Variants in PTPRU observed in about 807,000 individuals in gnomAD.
The protein encoded by PTPRU is protein tyrosine phosphatase receptor type U.
PTPRU carries 69 observed loss-of-function variants against 166.3 expected under a neutral mutation model. The ratio of observed to expected loss-of-function variants is 0.41; its 90% confidence interval spans 0.34 to 0.51. The LOEUF (loss-of-function observed/expected upper bound fraction) is 0.51. Among genes scored for constraint, PTPRU ranks in the 20% least tolerant of loss-of-function variants. The pLI is 0.09. For synonymous variants in PTPRU, 793 were observed against 814.0 expected (o/e 0.97, Z 0.44); for missense variants, 1,657 against 2,013.7 (o/e 0.82, Z 3.39).
intron 8 of PTPRU, among the ~76,000 whole-genome samples, chr1:29,278,510 T>A (rs1400488583): frequency 6.6e-6 from 1 of 152,242 alleles, no homozygotes; most frequent in Non-Finnish European, 1.5e-5. Context: ...CAATTGTAGA[T>A]GCCATTAATT....
intron 18 of PTPRU, chr1:29,306,995 T>A: frequency 1.1e-6 from 1 of 942,206 alleles, no homozygotes; most frequent in Non-Finnish European, 1.6e-6. Context: ...CAGCCCGGCC[T>A]GCCCGTCTCC....
At chr1:29,318,171 C>T (rs1687989536) in intron 25 of PTPRU, among the ~76,000 whole-genome samples, 1 of 152,180 alleles carries the variant, frequency 6.6e-6, no homozygotes, top group African/African-American at 2.4e-5. Context: ...CAAGATTAGG[C>T]CCAGCAGAGC....
At chr1:29,270,383 C>T (rs1280649212) in intron 7 of PTPRU, among the ~76,000 whole-genome samples, 7 of 152,002 alleles carry the variant, frequency 4.6e-5, no homozygotes, top group Non-Finnish European at 7.4e-5. Flanking sequence ...CTTGGCTCAC[C>T]GCTTCCTCTA....
At chr1:29,307,345 C>G (rs1440895690) in intron 18 of PTPRU, among the ~76,000 whole-genome samples, 1 of 152,234 alleles carries the variant, frequency 6.6e-6, no homozygotes, top group African/African-American at 2.4e-5. Context: ...GAGAGTGTTC[C>G]TATTGTAAGC....
intron 18 of PTPRU, chr1:29,306,980 C>T: frequency 4.9e-6 from 4 of 811,306 alleles, no homozygotes; most frequent in South Asian, 3.3e-5. Flanking sequence ...CTCTGTGGCT[C>T]AGCCCAGCCC....
intron 1 of PTPRU, among the ~76,000 whole-genome samples, chr1:29,240,531 C>T (rs1684000962): frequency 6.6e-6 from 1 of 152,060 alleles, no homozygotes. Flanking sequence ...CTGGAAAATT[C>T]CTGGAGGGTG....
intron 7 of PTPRU, among the ~76,000 whole-genome samples, chr1:29,272,906 CA>C (rs57076551): frequency 3.2e-3 from 176 of 54,662 alleles, no homozygotes; most frequent in East Asian, 0.024. Context: ...GACCTTGTCT[CA>C]AAAAAAAAAA....
intron 18 of PTPRU, among the ~76,000 whole-genome samples, chr1:29,308,648 T>C (rs1227018847): frequency 6.6e-6 from 1 of 151,646 alleles, no homozygotes; most frequent in East Asian, 1.9e-4. Flanking sequence ...ACATATATAC[T>C]GTTTTCATAA....
At chr1:29,299,771 TC>T (rs1687055063) in intron 15 of PTPRU, among the ~76,000 whole-genome samples, 1 of 152,216 alleles carries the variant, frequency 6.6e-6, no homozygotes, top group African/African-American at 2.4e-5. Context: ...CACGAGGGCT[TC>T]TCCATCTCGC....
At chr1:29,265,573 G>C (rs1201713171) in intron 7 of PTPRU, among the ~76,000 whole-genome samples, 1 of 151,922 alleles carries the variant, frequency 6.6e-6, no homozygotes, top group Non-Finnish European at 1.5e-5. Context: ...ATGTTGGCCA[G>C]GCTGGTCTTG....
rs1166778807 is a variant in PTPRU, at chr1:29,260,013, C to A, written c.819C>A (p.Gly273=). ...RCVSQAPRGA[G]VSNFAELIVK... ...TGTCCCAGGCCCCGCGCGGCGCGGG[C>A]GTCTCTAACTTCGCGGAGCTCATCG... The change falls in exon 6 of 30, where the codon GGC becomes GGA. Residue 273 remains glycine (G), a synonymous_variant. Coordinates refer to ENST00000373779, the MANE Select transcript of PTPRU (RefSeq NM_133178.4). The surrounding 1 kb of genome is among the most constrained non-coding windows in gnomAD (Gnocchi z 8.3). 6.8e-7 allele frequency: 1 copy of A among 1,480,582 alleles called. No individual in the cohort carries two copies. The allele number at this position is 1,480,582 out of a possible 1,614,324, so 91.7% of individuals were successfully genotyped here. A position where few individuals can be genotyped will look rare whatever the true frequency, so the allele number is the denominator to read the frequency against.
chr1:29,256,453 G>A (rs1357814966), intron 2 of PTPRU, among the ~76,000 whole-genome samples: 2 of 152,160 alleles, frequency 1.3e-5, no homozygotes, highest in South Asian at 2.1e-4. Context: ...CCTAGCTCAC[G>A]TCATGGCTGA....
At chr1:29,295,717 C>T (rs571290857) in intron 15 of PTPRU, among the ~76,000 whole-genome samples, 3 of 151,650 alleles carry the variant, frequency 2.0e-5, no homozygotes, top group South Asian at 4.2e-4. Flanking sequence ...GACGGAGTCT[C>T]ACTCTGTCAC....
Position 29,325,528 on chromosome 1 carries a change from C to T in PTPRU, c.4249-71C>T, listed in dbSNP as rs534558326. 1.1e-3 allele frequency: 1,715 copies of T among 1,537,598 alleles called. 2 individuals carry two copies. The highest frequency in any genetic ancestry group is 1.5e-3 in the South Asian group (135 of 87,702). ...GGCTCGTGCTTGCCCTCTCACTCCCCGTTCCCCTCCCCCCACAATACTGGA... is the reference window on the plus strand; with the variant it reads ...GGCTCGTGCTTGCCCTCTCACTCCCTGTTCCCCTCCCCCCACAATACTGGA... On this transcript the variant is annotated intron_variant, in intron 29 of 29. Transcript: ENST00000373779.
At chr1:29,287,247 G>A (rs568477101) in intron 14 of PTPRU, among the ~76,000 whole-genome samples, 3 of 152,318 alleles carry the variant, frequency 2.0e-5, no homozygotes, top group African/African-American at 7.2e-5. Context: ...GGGCCTGGAA[G>A]GGAGGCTGGT....
At chr1:29,251,486 A>G (rs1203245232) in intron 1 of PTPRU, among the ~76,000 whole-genome samples, 1 of 152,116 alleles carries the variant, frequency 6.6e-6, no homozygotes, top group African/African-American at 2.4e-5. Context: ...TTCAACAGGG[A>G]CAGTCAGCTG....
chr1:29,304,130 T>A, intron 16 of PTPRU, 85 bp downstream of exon 16: 1 of 1,466,504 alleles, frequency 6.8e-7, no homozygotes, highest in African/African-American at 1.4e-5. Flanking sequence ...CTGGCAACCC[T>A]CAGCCTAGTC....
intron 18 of PTPRU, among the ~76,000 whole-genome samples, chr1:29,308,226 C>T (rs1687486672): frequency 6.6e-6 from 1 of 151,692 alleles, no homozygotes; most frequent in Non-Finnish European, 1.5e-5. Context: ...CCTTCTACCT[C>T]AGCCTCCTGA....
rs1302401994 is a variant in PTPRU, at chr1:29,259,787, C to A, written c.676-83C>A. The A allele has an allele frequency of 1.1e-5, 16 of 1,417,420 alleles. No homozygotes were observed. In the East Asian group the frequency reaches 4.0e-4, roughly 36 times the overall value. The allele number at this position is 1,417,420 out of a possible 1,614,324, so 87.8% of individuals were successfully genotyped here. A position where few individuals can be genotyped will look rare whatever the true frequency, so the allele number is the denominator to read the frequency against. On this transcript the variant is annotated intron_variant, in intron 5 of 29. Coordinates refer to ENST00000373779, the MANE Select transcript of PTPRU (RefSeq NM_133178.4). Reference sequence around the variant, plus strand: ...CTATGTCCGCGCGGTGTAGTAGGGACGGCTAAATGGGGCCCGGGTCAGAGC... The same window carrying A: ...CTATGTCCGCGCGGTGTAGTAGGGAAGGCTAAATGGGGCCCGGGTCAGAGC...
Sources: gnomAD v4.1 joint callset for allele counts (sites outside exome capture counted in the v4.1 genomes callset) on GRCh38, gnomAD v4.1.1 for gene constraint, Gnocchi (gnomAD v3.1) non-coding constraint, MANE v1.5 for transcripts, NCBI Gene and HGNC (gene_info 2026-07-23, HGNC 2026-07-21) for gene names.